HK3: variants seen among roughly 807,000 people sequenced by gnomAD.
HK3 encodes the protein hexokinase-3.
In HK3, 93 loss-of-function variants were observed where a neutral mutation model predicts 91.0. That is an observed-to-expected ratio of 1.02 (90% CI 0.86 to 1.21). The LOEUF (loss-of-function observed/expected upper bound fraction) is 1.21. HK3 is among the 50% of genes most tolerant of loss of function. HK3 has a pLI of 0.00. For missense variants in HK3, 1,235 were observed against 1,247.4 expected (o/e 0.99, Z 0.15); for synonymous variants, 519 against 516.9 (o/e 1.00, Z -0.06).
intron 6 of HK3, among the ~76,000 whole-genome samples, chr5:176,890,127 A>G (rs986062602): frequency 2.0e-5 from 3 of 152,074 alleles, no homozygotes; most frequent in Non-Finnish European, 2.9e-5. Context: ...TCTCACCACA[A>G]GAGGTTAGCC....
Position 176,884,252 on chromosome 5 carries a change from C to T in HK3, c.1858-118G>A. ...CTTTCCACCCTCCCCAAGCACAATT[C>T]CTTGCCTACTTTGCTGTATGGTTGA... On this transcript the variant is annotated intron_variant, in intron 13 of 18. Coordinates refer to ENST00000292432, the MANE Select transcript of HK3 (RefSeq NM_002115.3). The surrounding 1 kb of genome is among the most constrained non-coding windows in gnomAD (Gnocchi z 4.1). 2.4e-6 allele frequency: 2 copies of T among 838,452 alleles called. No individual in the cohort carries two copies. The highest frequency in any genetic ancestry group is 1.9e-5 in the Admixed American group (1 of 51,592). The allele number at this position is 838,452 out of a possible 1,614,324, so 51.9% of individuals were successfully genotyped here.
chr5:176,887,665 A>G lies in HK3; in HGVS notation c.1386T>C (p.Gly462=), dbSNP rs149226772. ...CAGTCACCATCGCCACTCCCCGGCC[A>G]CCACCATCCACAGAGGGGATTAAGG... ...DVSLIPSVDG[G]GRGVAMVTAV... The change falls in exon 11 of 19, where the codon GGT becomes GGC. Residue 462 remains glycine, a synonymous_variant. Transcript: ENST00000292432. This position sits in a 1 kb window ranked among gnomAD's most constrained non-coding sequence, Gnocchi z 4.9. The G allele has an allele frequency of 4.3e-6, 7 of 1,613,700 alleles. No individual in the cohort carries two copies. In the African/African-American group the frequency reaches 9.3e-5, roughly 22 times the overall value.
At position 176,884,055 on chromosome 5, in the gene HK3, G is replaced by A; in HGVS notation, c.1937C>T (p.Ala646Val). ...GQDVVSLLRE[A>V]ITRRQAVELN... is the part of the protein sequence containing the mutation. ...GGCTCCTACCTGTCTGCGAGTGATGGCTTCCCGCAACAGACTCACGACATC... is the reference window on the plus strand; with the variant it reads ...GGCTCCTACCTGTCTGCGAGTGATGACTTCCCGCAACAGACTCACGACATC... The change falls in exon 14 of 19, where the codon GCC becomes GTC. Residue 646 changes from alanine (A) to valine (V), a missense_variant. Physicochemically the swap from Ala to Val is moderately conservative, Grantham distance 64. This residue lies in a region of HK3 where 513 missense variants were observed against 477.4 expected (regional missense o/e 1.07). Transcript: ENST00000292432. This position sits in a 1 kb window ranked among gnomAD's most constrained non-coding sequence, Gnocchi z 4.1. 2 of 1,614,096 alleles carry A rather than the reference G, an allele frequency of 1.2e-6. No homozygotes were observed. The highest frequency in any genetic ancestry group is 1.7e-6 in the Non-Finnish European group (2 of 1,179,988).
Position 176,890,832 on chromosome 5 carries a change from C to A in HK3, c.524G>T (p.Gly175Val). Residue 175 changes from glycine to valine, a missense_variant, in exon 5 of 19, where the codon GGC (glycine) becomes GTC (valine). This residue lies in a region of HK3 where 717 missense variants were observed against 751.6 expected (regional missense o/e 0.95). Transcript: ENST00000292432. ...TCCACTCCACCTCACCCTGTCCAAG[C>A]CCGTCTGGTGACAAGGGAAAGAGAA... The part of the protein sequence containing the change: ...FSFSFPCHQT[G>V]LDRSTLISWT... 6.2e-7 allele frequency: 1 copy of A among 1,614,206 alleles called. No homozygotes were observed. The highest frequency in any genetic ancestry group is 8.5e-7 in the Non-Finnish European group (1 of 1,180,046).
At chr5:176,894,799 CAGAG>C (rs1758866088) in intron 2 of HK3, among the ~76,000 whole-genome samples, 1 of 134,872 alleles carries the variant, frequency 7.4e-6, no homozygotes, top group Non-Finnish European at 1.6e-5. Context: ...TTTTTTTTGA[CAGAG>C]TCTCGCTCTG....
At chr5:176,890,017 A>G (rs1453189470) in intron 6 of HK3, among the ~76,000 whole-genome samples, 1 of 152,030 alleles carries the variant, frequency 6.6e-6, no homozygotes, top group Non-Finnish European at 1.5e-5. Flanking sequence ...CAGGACCAGG[A>G]TGAGTTTCCT....
intron 2 of HK3, 117 bp from the exon 3 acceptor site, chr5:176,891,667 C>A (rs528175828): frequency 2.9e-6 from 3 of 1,029,582 alleles, no homozygotes; most frequent in Non-Finnish European, 4.2e-6. Flanking sequence ...CTTCATACAC[C>A]CTGACTCTCT....
At position 176,884,232 on chromosome 5, in the gene HK3, C is replaced by T; in HGVS notation, c.1858-98G>A. 2.0e-6 allele frequency: 2 copies of T among 984,284 alleles called. No individual in the cohort carries two copies. Among genetic ancestry groups the T allele is most frequent in the Admixed American group, 1.8e-5 (1 of 56,220 alleles). 61.0% of individuals were successfully genotyped at this position (984,284 alleles called of 1,614,324 possible). A position where few individuals can be genotyped will look rare whatever the true frequency, so the allele number is the denominator to read the frequency against. On this transcript the variant is annotated intron_variant, in intron 13 of 18. Transcript: ENST00000292432. The surrounding 1 kb of genome is among the most constrained non-coding windows in gnomAD (Gnocchi z 4.1). ...GCATCCATCACAAGCCTAGGCTTTC[C>T]ACCCTCCCCAAGCACAATTCCTTGC... is the stretch of plus-strand genomic sequence containing the variant.
intron 1 of HK3, among the ~76,000 whole-genome samples, chr5:176,897,647 T>A (rs1395367624): frequency 6.6e-6 from 1 of 152,228 alleles, no homozygotes; most frequent in South Asian, 2.1e-4. Context: ...TGCTACAGAA[T>A]TCCCCCTGTC....
chr5:176,887,445 C>T lies in HK3; in HGVS notation c.1600+6G>A. The T allele has an allele frequency of 6.2e-7, 1 of 1,612,340 alleles. No individual in the cohort carries two copies. Among genetic ancestry groups the T allele is most frequent in the South Asian group, 1.1e-5 (1 of 91,030 alleles). ...TTTCGGTCCCACACTCAGGCCAGGT[C>T]CTTACCGCTGCCGTCAGGGGTGGCC... On this transcript the variant is annotated splice_donor_region_variant and intron_variant, in intron 11 of 18. Coordinates refer to ENST00000292432, the MANE Select transcript of HK3 (RefSeq NM_002115.3). The surrounding 1 kb of genome is among the most constrained non-coding windows in gnomAD (Gnocchi z 4.9).
rs749693310 is a variant in HK3 at position 176,889,763 on chromosome 5, A to G, written c.631-19T>C. On this transcript the variant is annotated intron_variant, in intron 6 of 18. Coordinates refer to ENST00000292432, the MANE Select transcript of HK3 (RefSeq NM_002115.3). ...TGTAGGCCTAGATGATGAAGAGGGCAGAGGTCAAGGCTGGCCTGAGTGGCC... is the reference window on the plus strand; with the variant it reads ...TGTAGGCCTAGATGATGAAGAGGGCGGAGGTCAAGGCTGGCCTGAGTGGCC... 6.2e-7 allele frequency: 1 copy of G among 1,610,662 alleles called. No individual in the cohort carries two copies. The highest frequency in any genetic ancestry group is 1.7e-5 in the Admixed American group (1 of 60,020).
intron 2 of HK3, among the ~76,000 whole-genome samples, chr5:176,892,244 G>A (rs759801655): frequency 6.6e-6 from 1 of 152,186 alleles, no homozygotes; most frequent in Non-Finnish European, 1.5e-5. Flanking sequence ...AAACGTAGGG[G>A]GGCAGGATAA....
At chr5:176,896,363 C>T (rs1758910311) in intron 1 of HK3, among the ~76,000 whole-genome samples, 178 bp from the exon 2 acceptor site, 1 of 152,230 alleles carries the variant, frequency 6.6e-6, no homozygotes, top group African/African-American at 2.4e-5. Context: ...TTGTTTTTCA[C>T]AAGCATGTCT....
At position 176,887,539 on chromosome 5, in the gene HK3, C is replaced by A. The variant is rs1299817828; in HGVS notation, c.1512G>T (p.Met504Ile). 3 of 1,613,856 alleles carry A rather than the reference C, an allele frequency of 1.9e-6. No homozygotes were observed. The highest frequency in any genetic ancestry group is 1.7e-5 in the Admixed American group (1 of 60,030). Residue 504 changes from methionine to isoleucine, a missense_variant, in exon 11 of 19, where the codon ATG becomes ATT. This residue lies in a region of HK3 where 717 missense variants were observed against 751.6 expected (regional missense o/e 0.95). Transcript: ENST00000292432. This position sits in a 1 kb window ranked among gnomAD's most constrained non-coding sequence, Gnocchi z 4.9. ...GGAGCCCCTTGGCCATGGCCTTCCGCATCTGTGCCTGAACCGCAGCCAGTT... is the reference window on the plus strand; with the variant it reads ...GGAGCCCCTTGGCCATGGCCTTCCGAATCTGTGCCTGAACCGCAGCCAGTT... ...HDQLAAVQAQ[M>I]RKAMAKGLRG...
chr5:176,882,581 G>A (rs565153422), intron 15 of HK3, among the ~76,000 whole-genome samples: 3 of 152,316 alleles, frequency 2.0e-5, no homozygotes, highest in African/African-American at 7.2e-5. Context: ...CTGGCCAGAG[G>A]TCAGGCAATG....
intron 9 of HK3, 65 bp from the exon 10 acceptor site, chr5:176,888,630 T>C: frequency 1.2e-6 from 2 of 1,608,622 alleles, no homozygotes; most frequent in Non-Finnish European, 1.7e-6. Context: ...TAAAGCCCCA[T>C]GGCTACCTTG....
rs754482349 is a variant in HK3 at position 176,881,711 on chromosome 5, A to G, written c.2374T>C (p.Phe792Leu). The G allele has an allele frequency of 1.2e-6, 2 of 1,614,120 alleles. No individual in the cohort carries two copies. The highest frequency in any genetic ancestry group is 3.3e-5 in the Admixed American group (2 of 60,022). ...LQTRDIFKTK[F>L]LSEIESDSLA... ...AGGCACCTTTCGATCTCAGAGAGGA[A>G]CTTGGTCTTGAAGATGTCCCTGGTC... The change falls in exon 17 of 19, where the codon TTC becomes CTC. Residue 792 changes from phenylalanine to leucine, a missense_variant. By Grantham distance (22) the Phe-to-Leu change is conservative. Coordinates refer to ENST00000292432, the MANE Select transcript of HK3 (RefSeq NM_002115.3).
chr5:176,889,797 GA>G, intron 6 of HK3, 53 bp from the exon 7 acceptor site: 1 of 1,491,796 alleles, frequency 6.7e-7, no homozygotes, highest in Non-Finnish European at 9.3e-7. Flanking sequence ...CCAGAGGAGG[GA>G]ATCCAGGGGA....
At position 176,881,307 on chromosome 5, in the gene HK3, GT is replaced by G; in HGVS notation, c.2621del (p.His874ProfsTer47). The G allele has an allele frequency of 6.2e-7, 1 of 1,613,728 alleles. No individual in the cohort carries two copies. On this transcript the variant is annotated frameshift_variant, in exon 18 of 19. Transcript: ENST00000292432. LOFTEE classifies it high-confidence loss of function. Reference sequence around the variant, plus strand: ...GCCCGCACACCCAGACTCACCGCGGGTGCAGCTTGTAGAGCGTTCCATCCAC... The same window carrying G: ...GCCCGCACACCCAGACTCACCGCGGGGCAGCTTGTAGAGCGTTCCATCCAC... ...VGVDGTLYKL[H>X]PRFSSLVAAT...
Sources: gnomAD v4.1 joint callset for allele counts (sites outside exome capture counted in the v4.1 genomes callset) on GRCh38, gnomAD v4.1.1 for gene constraint, gnomAD v4.1.1 regional missense constraint, Gnocchi (gnomAD v3.1) non-coding constraint, MANE v1.5 for transcripts, NCBI Gene and HGNC (gene_info 2026-07-23, HGNC 2026-07-21) for gene names.